Variants in DIAPH2 observed in about 807,000 individuals in gnomAD.
DIAPH2 encodes diaphanous related formin 2, also known as protein diaphanous homolog 2.
In DIAPH2, 35 loss-of-function variants were observed where a neutral mutation model predicts 92.7. That is an observed-to-expected ratio of 0.38 (90% CI 0.29 to 0.50). The LOEUF is 0.50. Ranked by LOEUF, DIAPH2 falls within the 20% of genes least tolerant of loss-of-function variation. The pLI, the probability that DIAPH2 is intolerant of heterozygous loss-of-function variation, is 0.94. For missense variants in DIAPH2, 701 were observed against 819.5 expected (o/e 0.86, Z 1.77); for synonymous variants, 301 against 280.4 (o/e 1.07, Z -0.73).
intron 26 of DIAPH2, among the ~76,000 whole-genome samples, chrX:97,446,364 A>G (rs765535233): frequency 8.9e-6 from 1 of 112,225 alleles, no homozygotes; most frequent in South Asian, 3.7e-4. Context: ...TTCAATATGT[A>G]GAACAGGTTG....
intron 1 of DIAPH2, among the ~76,000 whole-genome samples, chrX:96,718,667 T>A (rs962687398): frequency 1.8e-5 from 2 of 111,549 alleles, no homozygotes; most frequent in Admixed American, 9.5e-5. Context: ...ACGTTTTCTT[T>A]ATCCATTCAT....
chrX:97,272,155 C>T (rs1257276352), intron 23 of DIAPH2, among the ~76,000 whole-genome samples: 2 of 110,321 alleles, frequency 1.8e-5, no homozygotes, highest in South Asian at 3.9e-4. Context: ...TGCACCACCA[C>T]GCCTGGCTAA....
chrX:97,472,958 A>G (rs985041286), intron 26 of DIAPH2, among the ~76,000 whole-genome samples: 1 of 111,735 alleles, frequency 8.9e-6, no homozygotes. Flanking sequence ...TCTCAACTGG[A>G]GTGCTCTTTC....
At chrX:97,312,437 C>T (rs1272889950) in intron 23 of DIAPH2, among the ~76,000 whole-genome samples, 1 of 99,956 alleles carries the variant, frequency 1.0e-5, no homozygotes, top group African/African-American at 3.7e-5. Flanking sequence ...GCAACCTCCT[C>T]CTCCCCAGTT....
At chrX:97,392,469 C>G (rs983093589) in intron 25 of DIAPH2, among the ~76,000 whole-genome samples, 1 of 111,640 alleles carries the variant, frequency 9.0e-6, no homozygotes, top group African/African-American at 3.3e-5. Context: ...CTCTTTAACT[C>G]TATCTAAAAA....
chrX:97,254,066 G>A (rs2068214403), intron 23 of DIAPH2, among the ~76,000 whole-genome samples: 1 of 111,948 alleles, frequency 8.9e-6, no homozygotes, highest in African/African-American at 3.2e-5. Context: ...AATAAGATAT[G>A]AAGAGTGGAG....
intron 1 of DIAPH2, among the ~76,000 whole-genome samples, chrX:96,689,363 G>GA (rs11389197): frequency 0.099 from 10,294 of 104,027 alleles, 510 homozygotes; most frequent in Middle Eastern, 0.16. Context: ...TTGGGTTTCA[G>GA]AAAAAAAAGT....
intron 4 of DIAPH2, among the ~76,000 whole-genome samples, chrX:96,859,950 T>A (rs971165694): frequency 1.8e-5 from 2 of 111,920 alleles, no homozygotes; most frequent in African/African-American, 6.5e-5. Flanking sequence ...CTAGATTATG[T>A]TTTTGCATAT....
chrX:96,902,410 G>C (rs1014392729), intron 5 of DIAPH2, among the ~76,000 whole-genome samples: 1 of 111,447 alleles, frequency 9.0e-6, no homozygotes, highest in Non-Finnish European at 1.9e-5. Flanking sequence ...CTATGTTGCT[G>C]TCTATTTCAT....
chrX:97,194,784 TA>T (rs1339808401), intron 22 of DIAPH2, among the ~76,000 whole-genome samples: 9 of 111,974 alleles, frequency 8.0e-5, no homozygotes, highest in African/African-American at 2.9e-4. Context: ...TACAGGCACA[TA>T]TTATTTATGT....
At chrX:97,120,408 T>C (rs1023025902) in intron 21 of DIAPH2, among the ~76,000 whole-genome samples, 2 of 110,375 alleles carry the variant, frequency 1.8e-5, no homozygotes, top group African/African-American at 6.6e-5. Context: ...GCAGCAGCAG[T>C]CCCCTTCCTT....
At chrX:97,291,393 C>CT (rs1208180268) in intron 23 of DIAPH2, among the ~76,000 whole-genome samples, 3 of 111,168 alleles carry the variant, frequency 2.7e-5, no homozygotes, top group Non-Finnish European at 5.7e-5. Flanking sequence ...AGCAAAAACT[C>CT]TGTCTCAAAA....
intron 4 of DIAPH2, among the ~76,000 whole-genome samples, chrX:96,829,254 A>G (rs1005469795): frequency 1.8e-5 from 2 of 111,500 alleles, no homozygotes; most frequent in Non-Finnish European, 3.8e-5. Flanking sequence ...GGATGTTCAC[A>G]ATCACTAGTA....
chrX:96,832,851 A>G (rs923687417), intron 4 of DIAPH2, among the ~76,000 whole-genome samples: 1 of 111,722 alleles, frequency 9.0e-6, no homozygotes, highest in African/African-American at 3.2e-5. Context: ...ATATAAAATT[A>G]TTTTAAGGGA....
At chrX:97,543,186 A>G (rs2071154006) in intron 26 of DIAPH2, among the ~76,000 whole-genome samples, 1 of 112,103 alleles carries the variant, frequency 8.9e-6, no homozygotes, top group Non-Finnish European at 1.9e-5. Flanking sequence ...TCAGCCCAGC[A>G]TTTCAAATTT....
At chrX:97,414,046 A>T (rs1247311016) in intron 25 of DIAPH2, among the ~76,000 whole-genome samples, 1 of 111,989 alleles carries the variant, frequency 8.9e-6, no homozygotes, top group Non-Finnish European at 1.9e-5. Context: ...GAATTGGAAA[A>T]AACTATTTTA....
intron 22 of DIAPH2, among the ~76,000 whole-genome samples, chrX:97,211,043 G>A (rs1391508112): frequency 4.5e-5 from 5 of 111,375 alleles, no homozygotes; most frequent in Admixed American, 9.6e-5. Flanking sequence ...TAGGCCCATG[G>A]GGTAGGGAGA....
intron 17 of DIAPH2, among the ~76,000 whole-genome samples, chrX:97,065,781 C>A (rs1169202656): frequency 9.0e-6 from 1 of 110,971 alleles, no homozygotes; most frequent in African/African-American, 3.3e-5. Flanking sequence ...GTGTTATTGC[C>A]CCTTGAAGAC....
At chrX:96,860,718 C>A (rs1193733588) in intron 4 of DIAPH2, among the ~76,000 whole-genome samples, 1 of 111,609 alleles carries the variant, frequency 9.0e-6, no homozygotes, top group Non-Finnish European at 1.9e-5. Context: ...TAATTATGAG[C>A]CATACACTCA....
Sources: gnomAD v4.1 joint callset for allele counts (sites outside exome capture counted in the v4.1 genomes callset) on GRCh38, gnomAD v4.1.1 for gene constraint, MANE v1.5 for transcripts, NCBI Gene and HGNC (gene_info 2026-07-23, HGNC 2026-07-21) for gene names.